PAPPA2: variants seen among roughly 807,000 people sequenced by gnomAD.
PAPPA2 encodes the protein pappalysin-2.
PAPPA2 carries 86 observed loss-of-function variants against 176.4 expected under a neutral mutation model. That is an observed-to-expected ratio of 0.49 (90% CI 0.41 to 0.58). The LOEUF (loss-of-function observed/expected upper bound fraction) is 0.58, where lower values mean the gene tolerates loss of function less well. PAPPA2 is among the 20% of genes least tolerant of loss of function. PAPPA2 has a pLI of 0.00. For synonymous variants in PAPPA2, 809 were observed against 852.2 expected, an observed-to-expected ratio of 0.95 and a Z score of 0.88; for missense variants, 2,073 against 2,256.9, an observed-to-expected ratio of 0.92 and a Z score of 1.65.
chr1:176,623,648 TTTCTTTCTTTCTTTCTTTC>T lies in PAPPA2; in HGVS notation c.1991+28056_1991+28074del, dbSNP rs1377906875. On this transcript the variant is annotated intron_variant, in intron 3 of 22. Transcript: ENST00000367662. ...CTTTTTTACTTTCTTTCTTTCTTTC[TTTCTTTCTTTCTTTCTTTC>T]TTTTTCTTTCTTTCTTTCTCTCTCT... 2.2e-3 allele frequency among the ~76,000 whole-genome samples: 296 copies of T among 131,954 alleles called. 3 individuals carry two copies. Among genetic ancestry groups the T allele is most frequent in the African/African-American group, 8.6e-3 (287 of 33,546 alleles). The allele number at this position is 131,954 out of a possible 152,430, so 86.6% of individuals were successfully genotyped here. A position where few individuals can be genotyped will look rare whatever the true frequency, so the allele number is the denominator to read the frequency against.
chr1:176,701,037 TACAC>T (rs1470721715), intron 8 of PAPPA2, among the ~76,000 whole-genome samples: 5 of 131,000 alleles, frequency 3.8e-5, no homozygotes, highest in African/African-American at 9.6e-5. Context: ...TCTAATTTGC[TACAC>T]ACACACACAT....
At position 176,685,168 on chromosome 1, in the gene PAPPA2, T is replaced by C. The variant is rs148975078; in HGVS notation, c.2138-4969T>C. ...TGAACGTGTACTGCCAGACTGCACA[T>C]AGAATAATAATATTGACAAGTGGTC... On this transcript the variant is annotated intron_variant, in intron 4 of 22. Coordinates refer to ENST00000367662, the MANE Select transcript of PAPPA2 (RefSeq NM_020318.3). 2.2e-4 allele frequency among the ~76,000 whole-genome samples: 33 copies of C among 152,162 alleles called. 1 individual carries two copies. The East Asian group carries it at 4.1e-3, about 19-fold the overall frequency.
intron 4 of PAPPA2, among the ~76,000 whole-genome samples, chr1:176,675,641 A>T (rs1659249480): frequency 6.6e-6 from 1 of 152,142 alleles, no homozygotes; most frequent in Non-Finnish European, 1.5e-5. Flanking sequence ...GAAACATTTA[A>T]GACTCCATGA....
At position 176,616,811 on chromosome 1, in the gene PAPPA2, T is replaced by A. The variant is rs1052040850; in HGVS notation, c.1991+21216T>A. On this transcript the variant is annotated intron_variant, in intron 3 of 22. Coordinates refer to ENST00000367662, the MANE Select transcript of PAPPA2 (RefSeq NM_020318.3). ...GTGTATTAATTTAGTTAAAAAATACTCAATAGGGTTATGAAATAATTAAAA... is the reference window on the plus strand; with the variant it reads ...GTGTATTAATTTAGTTAAAAAATACACAATAGGGTTATGAAATAATTAAAA... The A allele has an allele frequency of 6.8e-6, 5 of 740,078 alleles. No individual in the cohort carries two copies. The Admixed American group carries it at 1.1e-4, about 16-fold the overall frequency. 45.8% of individuals were successfully genotyped at this position (740,078 alleles called of 1,614,324 possible).
intron 1 of PAPPA2, among the ~76,000 whole-genome samples, chr1:176,533,870 G>A (rs781575867): frequency 9.2e-5 from 14 of 152,184 alleles, no homozygotes; most frequent in African/African-American, 2.4e-4. Flanking sequence ...CTAGCTGCAC[G>A]TAGCTATTGA....
In PAPPA2 at chr1:176,557,152, A is replaced by G. The variant is rs1413384136; in HGVS notation, c.830A>G (p.Glu277Gly). The G allele has an allele frequency of 1.2e-6, 2 of 1,613,720 alleles. No individual in the cohort carries two copies. Among genetic ancestry groups the G allele is most frequent in the East Asian group, 4.5e-5 (2 of 44,844 alleles). Residue 277 changes from glutamate to glycine, a missense_variant, in exon 2 of 23, where the codon GAA (glutamate) becomes GGA (glycine). This residue lies in a region of PAPPA2 where 1,196 missense variants were observed against 1,330.4 expected (regional missense o/e 0.90). Coordinates refer to ENST00000367662, the MANE Select transcript of PAPPA2 (RefSeq NM_020318.3). ...CGGGAGCGGCTGCTGCTGCGTCCAGAAGTGCTGGCTGAGATTCCCCGGGAG... is the reference window on the plus strand; with the variant it reads ...CGGGAGCGGCTGCTGCTGCGTCCAGGAGTGCTGGCTGAGATTCCCCGGGAG... ...GRRERLLLRP[E>G]VLAEIPREAF...
At position 176,703,985 on chromosome 1, in the gene PAPPA2, T is replaced by TG. The variant is rs11324372; in HGVS notation, c.3365+1258dup. On this transcript the variant is annotated intron_variant, in intron 9 of 22. Coordinates refer to ENST00000367662, the MANE Select transcript of PAPPA2 (RefSeq NM_020318.3). ...ACCTGAAGCCCTCCAGTTAATGTGC[T>TG]GGGGGGGGTGGGTGACCACTACTAC... is the stretch of plus-strand genomic sequence containing the variant. Among the ~76,000 whole-genome samples, 20 of 152,012 alleles carry TG rather than the reference T, an allele frequency of 1.3e-4. No individual in the cohort carries two copies. The South Asian group carries it at 2.1e-3, about 16-fold the overall frequency.
intron 1 of PAPPA2, among the ~76,000 whole-genome samples, chr1:176,532,419 G>A (rs138875022): frequency 0.046 from 7,037 of 152,222 alleles, 180 homozygotes; most frequent in Non-Finnish European, 0.059. Flanking sequence ...GTAATGTGAC[G>A]GAGCTTTCCC....
rs759357048 is a variant in PAPPA2 at position 176,692,304 on chromosome 1, A to C, written c.2610A>C (p.Gly870=). Residue 870 remains glycine (G), a synonymous_variant, in exon 6 of 23, where the codon GGA becomes GGC. Coordinates refer to ENST00000367662, the MANE Select transcript of PAPPA2 (RefSeq NM_020318.3). ...TCCACTGGCTGCCTCCTATTAGTGGAGTTGTATATGACAGGTGAGAGAGGC... is the reference window on the plus strand; with the variant it reads ...TCCACTGGCTGCCTCCTATTAGTGGCGTTGTATATGACAGGTGAGAGAGGC... ...LTIHWLPPIS[G]VVYDRASGSL... is the part of the protein sequence containing the mutation. The C allele has an allele frequency of 2.5e-6, 4 of 1,613,012 alleles. No homozygotes were observed. The East Asian group carries it at 8.9e-5, about 36-fold the overall frequency.
intron 21 of PAPPA2, among the ~76,000 whole-genome samples, chr1:176,825,734 T>C (rs1666834854): frequency 6.6e-6 from 1 of 152,236 alleles, no homozygotes; most frequent in Admixed American, 6.5e-5. Flanking sequence ...TTTGAAACCA[T>C]GTTACGTATT....
rs773855392 is a variant in PAPPA2 at position 176,765,835 on chromosome 1, C to A, written c.4321C>A (p.Gln1441Lys). The change falls in exon 15 of 23, where the codon CAG becomes AAG. Residue 1441 changes from glutamine to lysine, a missense_variant and splice_region_variant. By Grantham distance (53) the Gln-to-Lys change is moderately conservative. Transcript: ENST00000367662. ...ASSGQYIRPM[Q>K]KEILLTCSSG... ...CAGTGGGCAGTACATCAGGCCCATG[C>A]AGGTGAGTTGAAAGAACACTATCAC... 8 of 1,613,232 alleles carry A rather than the reference C, an allele frequency of 5.0e-6. No individual in the cohort carries two copies. In the African/African-American group the frequency reaches 9.3e-5, roughly 19 times the overall value.
At chr1:176,826,385 A>C (rs1666864435) in intron 21 of PAPPA2, among the ~76,000 whole-genome samples, 1 of 152,214 alleles carries the variant, frequency 6.6e-6, no homozygotes, top group African/African-American at 2.4e-5. Flanking sequence ...GTTGTGAAAC[A>C]GATGCAGTCA....
At chr1:176,692,899 G>C (rs192414132) in intron 6 of PAPPA2, among the ~76,000 whole-genome samples, 2 of 152,260 alleles carry the variant, frequency 1.3e-5, no homozygotes, top group East Asian at 3.9e-4. Flanking sequence ...GGCAACTACT[G>C]GGGGAGGCAG....
At chr1:176,471,340 A>G (rs1418211771) in intron 1 of PAPPA2, among the ~76,000 whole-genome samples, 1 of 152,198 alleles carries the variant, frequency 6.6e-6, no homozygotes, top group Non-Finnish European at 1.5e-5. Context: ...GACTGAATTC[A>G]GGTTATACTA....
intron 8 of PAPPA2, 97 bp downstream of exon 8, chr1:176,699,686 C>G (rs564454855): frequency 8.1e-6 from 12 of 1,483,232 alleles, no homozygotes; most frequent in Non-Finnish European, 1.1e-5. Flanking sequence ...TGCCCTTAGT[C>G]GGAGGAATGT....
At chr1:176,513,910 G>A (rs1300573415) in intron 1 of PAPPA2, among the ~76,000 whole-genome samples, 1 of 152,126 alleles carries the variant, frequency 6.6e-6, no homozygotes, top group Non-Finnish European at 1.5e-5. Context: ...AGTCATGACT[G>A]TAACCACTTT....
intron 3 of PAPPA2, among the ~76,000 whole-genome samples, chr1:176,598,405 C>A (rs1654103140): frequency 6.6e-6 from 1 of 152,134 alleles, no homozygotes; most frequent in African/African-American, 2.4e-5. Context: ...CTTCCTTGCC[C>A]TTGCATCCTT....
At chr1:176,537,051 A>G (rs954072506) in intron 1 of PAPPA2, among the ~76,000 whole-genome samples, 2 of 152,228 alleles carry the variant, frequency 1.3e-5, no homozygotes, top group African/African-American at 4.8e-5. Context: ...GAGCCCATGC[A>G]TTCAGCCTTC....
At chr1:176,687,234 G>T (rs1225763433) in intron 4 of PAPPA2, among the ~76,000 whole-genome samples, 1 of 152,180 alleles carries the variant, frequency 6.6e-6, no homozygotes, top group Non-Finnish European at 1.5e-5. Context: ...TAGTGAAAAT[G>T]TAAGTGTTGT....
Sources: allele counts gnomAD v4.1 joint callset (sites outside exome capture counted in the v4.1 genomes callset), GRCh38; gene constraint gnomAD v4.1.1; regional missense constraint gnomAD v4.1.1; transcripts MANE v1.5; gene names NCBI Gene and HGNC (gene_info 2026-07-23, HGNC 2026-07-21).